RGSL1: variants seen among roughly 807,000 people sequenced by gnomAD.
The protein encoded by RGSL1 is regulator of G protein signaling protein-like.
In RGSL1, 97 loss-of-function variants were observed where a neutral mutation model predicts 124.7. The observed-to-expected ratio is 0.78, with a 90% CI of 0.66 to 0.92. The LOEUF is 0.92. Ranked by LOEUF, RGSL1 falls within the 40% of genes least tolerant of loss-of-function variation. The probability of loss-of-function intolerance (pLI) is 0.00; values close to 1 mark genes in which losing one functional copy is unlikely to be tolerated. For synonymous variants in RGSL1, 424 were observed against 438.1 expected, an observed-to-expected ratio of 0.97 and a Z score of 0.40; for missense variants, 1,233 against 1,288.4, an observed-to-expected ratio of 0.96 and a Z score of 0.66.
chr1:182,554,422 A>G (rs1355882532), intron 19 of RGSL1, among the ~76,000 whole-genome samples: 2 of 152,170 alleles, frequency 1.3e-5, no homozygotes, highest in African/African-American at 4.8e-5. Context: ...GTTTCCTGGG[A>G]CACACACAAA....
intron 8 of RGSL1, among the ~76,000 whole-genome samples, chr1:182,491,552 A>G (rs2102105663): frequency 6.6e-6 from 1 of 152,258 alleles, no homozygotes; most frequent in South Asian, 2.1e-4. Context: ...GACTTCCAGA[A>G]TGGTGAAAAG....
chr1:182,515,553 A>AGC (rs1553268045), intron 9 of RGSL1, among the ~76,000 whole-genome samples: 6 of 109,024 alleles, frequency 5.5e-5, no homozygotes, highest in Non-Finnish European at 9.3e-5. Context: ...AAAAAAAAAA[A>AGC]GGGGGGGGCG....
At chr1:182,524,364 G>C (rs945548168) in intron 10 of RGSL1, among the ~76,000 whole-genome samples, 1 of 152,114 alleles carries the variant, frequency 6.6e-6, no homozygotes, top group African/African-American at 2.4e-5. Flanking sequence ...AGTTGTTCAG[G>C]CAAATGATAA....
At position 182,496,027 on chromosome 1, in the gene RGSL1, G is replaced by A. The variant is rs190540154; in HGVS notation, c.1825+2898G>A. On this transcript the variant is annotated intron_variant, in intron 9 of 21. Transcript: ENST00000294854. Reference sequence around the variant, plus strand: ...TACCTGAGGTTGGGTAATTTATAAAGAAAAGATATTTAATTTGGCTCATGG... The same window carrying A: ...TACCTGAGGTTGGGTAATTTATAAAAAAAAGATATTTAATTTGGCTCATGG... 3.9e-5 allele frequency among the ~76,000 whole-genome samples: 6 copies of A among 152,238 alleles called. No individual in the cohort carries two copies. The East Asian group carries it at 1.2e-3, about 29-fold the overall frequency.
At chr1:182,560,198 G>A (rs1452325021) in intron 21 of RGSL1, 81 bp from the exon 22 acceptor site, 2 of 152,146 alleles carry the variant, frequency 1.3e-5, no homozygotes. Flanking sequence ...CCATAAAGAA[G>A]AAATAGCAAA....
At chr1:182,499,979 TG>T in intron 9 of RGSL1, among the ~76,000 whole-genome samples, 1 of 152,226 alleles carries the variant, frequency 6.6e-6, no homozygotes, top group East Asian at 1.9e-4. Context: ...TTCACTATGT[TG>T]ATAATGTTCT....
intron 10 of RGSL1, among the ~76,000 whole-genome samples, 188 bp downstream of exon 10, chr1:182,522,297 A>G (rs1035543608): frequency 2.0e-5 from 3 of 152,232 alleles, no homozygotes; most frequent in African/African-American, 7.2e-5. Context: ...ACTATGCTAT[A>G]TATGTATATA....
chr1:182,534,075 A>G (rs1659377365), intron 14 of RGSL1, among the ~76,000 whole-genome samples: 1 of 152,194 alleles, frequency 6.6e-6, no homozygotes, highest in African/African-American at 2.4e-5. Context: ...TCTTGATGAC[A>G]TTTGGGTTGT....
At chr1:182,475,665 A>G (rs1245470084) in intron 6 of RGSL1, among the ~76,000 whole-genome samples, 5 of 152,106 alleles carry the variant, frequency 3.3e-5, no homozygotes, top group African/African-American at 9.7e-5. Flanking sequence ...GGAGAAATAG[A>G]TACCCCAAGC....
intron 9 of RGSL1, among the ~76,000 whole-genome samples, chr1:182,498,896 G>A (rs1291463231): frequency 6.6e-6 from 1 of 151,590 alleles, no homozygotes; most frequent in Non-Finnish European, 1.5e-5. Context: ...GGGTTCAAGC[G>A]ATTCTCCTGC....
At chr1:182,529,118 A>C (rs1337998800) in intron 11 of RGSL1, among the ~76,000 whole-genome samples, 2 of 152,222 alleles carry the variant, frequency 1.3e-5, no homozygotes, top group Non-Finnish European at 2.9e-5. Context: ...ACAGAGCCAA[A>C]CTATATCACT....
chr1:182,552,127 T>C (rs1358633790), intron 18 of RGSL1, among the ~76,000 whole-genome samples: 1 of 151,998 alleles, frequency 6.6e-6, no homozygotes, highest in Non-Finnish European at 1.5e-5. Context: ...ATTTTTTTTT[T>C]TTTTGAGAGG....
intron 15 of RGSL1, among the ~76,000 whole-genome samples, chr1:182,546,631 A>G (rs1330776894): frequency 1.3e-5 from 2 of 152,150 alleles, no homozygotes; most frequent in Non-Finnish European, 2.9e-5. Context: ...TGACATCATG[A>G]TCGCCTGCCT....
chr1:182,489,299 T>G, intron 8 of RGSL1, 97 bp downstream of exon 8: 1 of 1,089,122 alleles, frequency 9.2e-7, no homozygotes, highest in East Asian at 2.6e-5. Context: ...GTCAGCACTA[T>G]GCAGTGCAGG....
rs1014132932 is a variant in RGSL1 at position 182,530,268 on chromosome 1, C to T, written c.2150C>T (p.Pro717Leu). The change falls in exon 12 of 22, where the codon CCT (proline) becomes CTT (leucine). Residue 717 changes from proline to leucine, a missense_variant. Transcript: ENST00000294854. ...SPEEMLQCDA[P>L]IIKEIASMRH... ...GAAGAAATGCTGCAGTGTGATGCCCCTATTATCAAAGAAATCGCTTCCATG... is the reference window on the plus strand; with the variant it reads ...GAAGAAATGCTGCAGTGTGATGCCCTTATTATCAAAGAAATCGCTTCCATG... The T allele has an allele frequency of 1.8e-5, 28 of 1,550,756 alleles. No individual in the cohort carries two copies. The highest frequency in any genetic ancestry group is 2.3e-5 in the Non-Finnish European group (26 of 1,146,430).
rs68163917 is a variant in RGSL1, at chr1:182,454,586, ATGTGTGTGTGTG to A, written c.96+575_96+586del. 7.4e-3 allele frequency among the ~76,000 whole-genome samples: 1,063 copies of A among 144,594 alleles called. 6 individuals are homozygous for A. Among genetic ancestry groups the A allele is most frequent in the African/African-American group, 0.018 (688 of 39,106 alleles). The allele number at this position is 144,594 out of a possible 152,430, so 94.9% of individuals were successfully genotyped here. The stretch of plus-strand genomic sequence containing the variant: ...GCACTTTGCAACTCTCTTGAGTTGT[ATGTGTGTGTGTG>A]TGTGTGTGTGTGTGTGTGTGTGTGT... On this transcript the variant is annotated intron_variant, in intron 2 of 21. Coordinates refer to ENST00000294854, the MANE Select transcript of RGSL1 (RefSeq NM_001137669.2).
At chr1:182,466,920 C>G (rs1486661241) in intron 4 of RGSL1, among the ~76,000 whole-genome samples, 2 of 152,142 alleles carry the variant, frequency 1.3e-5, no homozygotes, top group African/African-American at 4.8e-5. Context: ...AAACTTACTA[C>G]AAGTTTACAG....
Position 182,473,636 on chromosome 1 carries a change from G to C in RGSL1, c.525G>C (p.Leu175=). Residue 175 remains leucine (L), a synonymous_variant, in exon 6 of 22, where the codon CTG becomes CTC. Coordinates refer to ENST00000294854, the MANE Select transcript of RGSL1 (RefSeq NM_001137669.2). ...AATCAACCACTAGGAGGGAGATCCT[G>C]AGCCACATGCAGAAAGTGGCTCTGT... ...PNQSTTRREI[L]SHMQKVALFK... 1 of 1,551,504 alleles carries C rather than the reference G, an allele frequency of 6.4e-7. No individual in the cohort carries two copies. The highest frequency in any genetic ancestry group is 8.7e-7 in the Non-Finnish European group (1 of 1,146,910).
rs929692684 is a variant in RGSL1 at position 182,547,877 on chromosome 1, A to G, written c.2670-440A>G. ...CTCCATCTCAAAAAAAAAATGTTCTACTGGCTTCCCATTACCACTGGAATT... is the reference window on the plus strand; with the variant it reads ...CTCCATCTCAAAAAAAAAATGTTCTGCTGGCTTCCCATTACCACTGGAATT... On this transcript the variant is annotated intron_variant, in intron 15 of 21. Transcript: ENST00000294854. Among the ~76,000 whole-genome samples the G allele has an allele frequency of 7.2e-5, 11 of 152,128 alleles. No homozygotes were observed. In the South Asian group the frequency reaches 1.2e-3, roughly 17 times the overall value.
Sources: gnomAD v4.1 joint callset for allele counts (sites outside exome capture counted in the v4.1 genomes callset) on GRCh38, gnomAD v4.1.1 for gene constraint, MANE v1.5 for transcripts, NCBI Gene and HGNC (gene_info 2026-07-23, HGNC 2026-07-21) for gene names.